SMG1: variants seen among roughly 807,000 people sequenced by gnomAD.
SMG1 encodes SMG1 nonsense mediated mRNA decay associated PI3K related kinase, also known as serine/threonine-protein kinase SMG1.
A neutral mutation model predicts 419.9 loss-of-function variants in SMG1; 22 were observed. That is an observed-to-expected ratio of 0.05 (90% confidence interval 0.04 to 0.07). The LOEUF is 0.07. SMG1 is among the 10% of genes least tolerant of loss of function. SMG1 has a pLI of 1.00. For synonymous variants in SMG1, 1,538 were observed against 1,553.5 expected, an observed-to-expected ratio of 0.99 and a Z score of 0.23; for missense variants, 3,185 against 4,342.0, an observed-to-expected ratio of 0.73 and a Z score of 7.49.
chr16:18,893,239 A>G (rs1435822349), intron 3 of SMG1, among the ~76,000 whole-genome samples: 1 of 152,240 alleles, frequency 6.6e-6, no homozygotes, highest in Non-Finnish European at 1.5e-5. Flanking sequence ...CTAGAAAGGT[A>G]GCAAACCACA....
At position 18,919,646 on chromosome 16, in the gene SMG1, GTGTGTA is replaced by G. The variant is rs1436286578; in HGVS notation, c.92+6298_92+6303del. Among the ~76,000 whole-genome samples, 7 of 101,178 alleles carry G rather than the reference GTGTGTA, an allele frequency of 6.9e-5. No homozygotes were observed. The South Asian group carries it at 1.8e-3, about 26-fold the overall frequency. The allele number at this position is 101,178 out of a possible 152,430, so 66.4% of individuals were successfully genotyped here. On this transcript the variant is annotated intron_variant, in intron 1 of 62. Transcript: ENST00000446231. The stretch of plus-strand genomic sequence containing the variant: ...CTCAAAAAAAAAAATGTGTGTGTGT[GTGTGTA>G]TATATACACACACACACACACACAC...
intron 1 of SMG1, among the ~76,000 whole-genome samples, chr16:18,902,554 G>T (rs990941198): frequency 6.6e-6 from 1 of 152,038 alleles, no homozygotes; most frequent in Non-Finnish European, 1.5e-5. Context: ...AGAAAAACTA[G>T]CCAGGCGAGG....
chr16:18,809,596 C>T lies in SMG1; in HGVS notation c.10959G>A (p.Leu3653=). The part of the protein sequence containing the change: ...EATNLDNLAQ[L]YEGWTAWV ...ACACCCAGGCTGTCCAACCTTCATA[C>T]AGCTGAGCCAAGTTATCTAGATTAG... Residue 3653 remains leucine, a synonymous_variant, in exon 63 of 63, where the codon CTG becomes CTA. Transcript: ENST00000446231. 1 of 1,611,826 alleles carries T rather than the reference C, an allele frequency of 6.2e-7. No homozygotes were observed. The highest frequency in any genetic ancestry group is 8.5e-7 in the Non-Finnish European group (1 of 1,178,920).
chr16:18,837,410 C>T lies in SMG1; in HGVS notation c.7447G>A (p.Val2483Ile). The T allele has an allele frequency of 1.2e-6, 2 of 1,613,914 alleles. No individual in the cohort carries two copies. Among genetic ancestry groups the T allele is most frequent in the Non-Finnish European group, 1.7e-6 (2 of 1,179,850 alleles). The change falls in exon 46 of 63, where the codon GTT becomes ATT. Residue 2483 changes from valine to isoleucine, a missense_variant. Transcript: ENST00000446231. ...NWFKNRDEML[V>I]VLPKLDGSLD... is the part of the protein sequence containing the mutation. The stretch of plus-strand genomic sequence containing the variant: ...CTACCGTCCAACTTGGGAAGCACAA[C>T]CAGCATCTCATCTCTATTCTTAAAC...
chr16:18,811,650 A>G (rs1435653011), intron 62 of SMG1, 111 bp downstream of exon 62: 2 of 975,514 alleles, frequency 2.1e-6, no homozygotes, highest in Non-Finnish European at 1.6e-6. Context: ...TCCTGAAAAC[A>G]CATTTAAGTT....
intron 28 of SMG1, chr16:18,858,495 T>C (rs1266758607): frequency 5.7e-6 from 2 of 352,430 alleles, no homozygotes; most frequent in Non-Finnish European, 1.0e-5. Context: ...GCCTTTTGTT[T>C]TGAAGGGAAA....
Position 18,852,084 on chromosome 16 carries a change from G to T in SMG1, c.5035C>A (p.Arg1679=). 6.2e-7 allele frequency: 1 copy of T among 1,609,156 alleles called. No individual in the cohort carries two copies. The highest frequency in any genetic ancestry group is 1.1e-5 in the South Asian group (1 of 89,872). Residue 1679 remains arginine (R), a synonymous_variant, in exon 33 of 63, where the codon CGG becomes AGG. Coordinates refer to ENST00000446231, the MANE Select transcript of SMG1 (RefSeq NM_015092.5). ...TTCCTTGCCTGAATCCCCGCCGGCC[G>T]ACACACAGCCTGTCCAAGAATACCA... is the stretch of plus-strand genomic sequence containing the variant. ...IYGILGQAVC[R]PAGIQDEDIT... is the part of the protein sequence containing the mutation.
rs761859240 is a variant in SMG1 at position 18,850,448 on chromosome 16, T to A, written c.5072A>T (p.Gln1691Leu). 1.9e-6 allele frequency: 3 copies of A among 1,612,492 alleles called. No homozygotes were observed. Among genetic ancestry groups the A allele is most frequent in the East Asian group, 4.5e-5 (2 of 44,862 alleles). ...AGIQDEDITL[Q>L]ITESEDNEED... ...TTCGTTGTCTTCACTCTCAGTTATC[T>A]GAAGTGTTATATCTTCATCCTGAAG... The change falls in exon 34 of 63, where the codon CAG becomes CTG. Residue 1691 changes from glutamine to leucine, a missense_variant. Physicochemically the swap from Gln to Leu is moderately radical, Grantham distance 113. Around this residue, in one of 27 missense-constraint regions of SMG1, gnomAD observed 493 missense variants for 552.9 expected, o/e 0.89. Coordinates refer to ENST00000446231, the MANE Select transcript of SMG1 (RefSeq NM_015092.5).
chr16:18,864,203 T>TC, intron 23 of SMG1, 59 bp from the exon 24 acceptor site: 1 of 1,402,800 alleles, frequency 7.1e-7, no homozygotes, highest in Non-Finnish European at 9.4e-7. Context: ...TTTTTTTTTT[T>TC]TTTTTTTTTG....
At chr16:18,860,088 G>A (rs1388499855) in intron 26 of SMG1, among the ~76,000 whole-genome samples, 3 of 152,080 alleles carry the variant, frequency 2.0e-5, no homozygotes, top group Non-Finnish European at 2.9e-5. Flanking sequence ...CACGGTGGCA[G>A]ACACCTGTAA....
chr16:18,829,736 A>T lies in SMG1; in HGVS notation c.9153T>A (p.Asp3051Glu), dbSNP rs1205586038. Reference sequence around the variant, plus strand: ...GTACAGGCCCATTCACAGTATTCTGATCTTCAAGTGAACTTGATCCTACAA... The same window carrying T: ...GTACAGGCCCATTCACAGTATTCTGTTCTTCAAGTGAACTTGATCCTACAA... ...KTLSGSSSLE[D>E]QNTVNGPVQI... The change falls in exon 54 of 63, where the codon GAT becomes GAA. Residue 3051 changes from aspartate to glutamate, a missense_variant. This residue lies in a region of SMG1 where 737 missense variants were observed against 846.6 expected (regional missense o/e 0.87). Transcript: ENST00000446231. The T allele has an allele frequency of 3.4e-5, 54 of 1,600,634 alleles. No homozygotes were observed. The highest frequency in any genetic ancestry group is 4.5e-5 in the Non-Finnish European group (53 of 1,171,218).
At chr16:18,922,896 C>T (rs889949263) in intron 1 of SMG1, among the ~76,000 whole-genome samples, 1 of 152,114 alleles carries the variant, frequency 6.6e-6, no homozygotes, top group Admixed American at 6.5e-5. Context: ...GCCTGGGCAA[C>T]GTGGTGAAAA....
At chr16:18,887,676 A>T (rs1435682820) in intron 6 of SMG1, among the ~76,000 whole-genome samples, 1 of 68,846 alleles carries the variant, frequency 1.5e-5, no homozygotes, top group Non-Finnish European at 4.1e-5. Context: ...TTTATTTAAA[A>T]AAAAAAAAAA....
At chr16:18,912,488 G>A (rs1474513958) in intron 1 of SMG1, among the ~76,000 whole-genome samples, 1 of 151,940 alleles carries the variant, frequency 6.6e-6, no homozygotes, top group East Asian at 1.9e-4. Flanking sequence ...GTACAATTAT[G>A]ATTTTTGAAT....
At chr16:18,837,838 G>A (rs1596491861) in intron 45 of SMG1, among the ~76,000 whole-genome samples, 176 bp downstream of exon 45, 1 of 152,226 alleles carries the variant, frequency 6.6e-6, no homozygotes, top group East Asian at 1.9e-4. Flanking sequence ...ATGTTTGTGT[G>A]GAAGAATTAC....
At chr16:18,898,982 T>C (rs1490881007) in intron 1 of SMG1, among the ~76,000 whole-genome samples, 1 of 152,182 alleles carries the variant, frequency 6.6e-6, no homozygotes, top group Non-Finnish European at 1.5e-5. Flanking sequence ...GATACCTACC[T>C]AACATGCAAG....
chr16:18,860,835 A>C (rs1207635669), intron 25 of SMG1, 59 bp from the exon 26 acceptor site: 6 of 751,970 alleles, frequency 8.0e-6, no homozygotes, highest in South Asian at 4.9e-5. Context: ...CCATTAAAAA[A>C]AAACAAACAA....
chr16:18,874,199 T>G lies in SMG1; in HGVS notation c.1891-1575A>C, dbSNP rs191871390. Among the ~76,000 whole-genome samples the G allele has an allele frequency of 3.9e-4, 60 of 152,202 alleles. No homozygotes were observed. In the East Asian group the frequency reaches 0.011, roughly 28 times the overall value. On this transcript the variant is annotated intron_variant, in intron 13 of 62. Transcript: ENST00000446231. Reference sequence around the variant, plus strand: ...TGTCGCCCAGACTGGAGTGCAGTGGTGTGATCTCAGCTCACTGCAACCTCC... The same window carrying G: ...TGTCGCCCAGACTGGAGTGCAGTGGGGTGATCTCAGCTCACTGCAACCTCC...
At chr16:18,831,097 T>G (rs187094242) in intron 51 of SMG1, among the ~76,000 whole-genome samples, 1 of 152,322 alleles carries the variant, frequency 6.6e-6, no homozygotes, top group East Asian at 1.9e-4. Flanking sequence ...TGGTTTTTAT[T>G]TATGCACATT....
Sources: gnomAD v4.1 joint callset for allele counts (sites outside exome capture counted in the v4.1 genomes callset) on GRCh38, gnomAD v4.1.1 for gene constraint, gnomAD v4.1.1 regional missense constraint, MANE v1.5 for transcripts, NCBI Gene and HGNC (gene_info 2026-07-23, HGNC 2026-07-21) for gene names.